Variants in PPARGC1A observed in about 807,000 individuals in gnomAD.
PPARGC1A encodes the protein PPARG coactivator 1 alpha.
Under a neutral mutation model 88.7 loss-of-function variants are expected in PPARGC1A, and 25 were observed. That is an observed-to-expected ratio of 0.28 (90% CI 0.21 to 0.39). PPARGC1A has a LOEUF of 0.39. PPARGC1A is among the 10% of genes least tolerant of loss of function. The pLI, the probability that PPARGC1A is intolerant of heterozygous loss-of-function variation, is 1.00. For missense variants in PPARGC1A, 880 were observed against 968.7 expected (o/e 0.91, Z 1.22); for synonymous variants, 363 against 355.6 (o/e 1.02, Z -0.24).
the PPARGC1A span, among the ~76,000 whole-genome samples, chr4:24,433,998 T>A: frequency 2.6e-5 from 4 of 152,224 alleles, no homozygotes; most frequent in African/African-American, 7.2e-5. Context: ...GGACAACCTG[T>A]TGATTGCTAT....
At chr4:24,050,407 A>T in the PPARGC1A span, among the ~76,000 whole-genome samples, 1 of 151,894 alleles carries the variant, frequency 6.6e-6, no homozygotes, top group African/African-American at 2.4e-5. Context: ...CATGTTGGTC[A>T]GGGTGGTCTC....
intron 7 of PPARGC1A, 38 bp downstream of exon 7, chr4:23,824,242 C>G (rs1169459312): frequency 2.6e-6 from 4 of 1,538,906 alleles, no homozygotes; most frequent in Admixed American, 3.3e-5. Context: ...CATATACAGA[C>G]AGACACACAC....
At chr4:24,471,041 C>T in the PPARGC1A span, among the ~76,000 whole-genome samples, 1 of 151,430 alleles carries the variant, frequency 6.6e-6, no homozygotes, top group African/African-American at 2.4e-5. The surrounding 1 kb of genome is among the most constrained non-coding windows in gnomAD (Gnocchi z 5.4). Flanking sequence ...CCAGCGCCGG[C>T]GAGCGCGGCG....
chr4:24,263,618 C>T, the PPARGC1A span, among the ~76,000 whole-genome samples: 15 of 152,232 alleles, frequency 9.9e-5, no homozygotes, highest in African/African-American at 2.6e-4. Flanking sequence ...CCACTTCTGC[C>T]GTACCTGAGA....
At chr4:24,060,698 T>A in the PPARGC1A span, among the ~76,000 whole-genome samples, 1 of 152,226 alleles carries the variant, frequency 6.6e-6, no homozygotes, top group Non-Finnish European at 1.5e-5. Flanking sequence ...CCCTGGCCAC[T>A]TGGACATTTC....
At chr4:24,073,860 T>C in the PPARGC1A span, among the ~76,000 whole-genome samples, 1 of 152,092 alleles carries the variant, frequency 6.6e-6, no homozygotes, top group Non-Finnish European at 1.5e-5. Context: ...TAACCAGCTG[T>C]GTGTCTCAGT....
chr4:24,010,821 A>T, the PPARGC1A span, among the ~76,000 whole-genome samples: 2 of 152,272 alleles, frequency 1.3e-5, no homozygotes, highest in South Asian at 4.2e-4. Flanking sequence ...GAGGAACAGA[A>T]ATGCTGTAAA....
At chr4:23,971,493 T>C in the PPARGC1A span, among the ~76,000 whole-genome samples, 5 of 152,162 alleles carry the variant, frequency 3.3e-5, no homozygotes, top group African/African-American at 1.2e-4. Context: ...CAATAGGCCG[T>C]CTGCAGGCTG....
At chr4:24,009,878 C>A in the PPARGC1A span, among the ~76,000 whole-genome samples, 1 of 152,158 alleles carries the variant, frequency 6.6e-6, no homozygotes. Context: ...TTTACACAGA[C>A]CCACCCACAC....
chr4:23,835,028 C>G (rs1446399662), intron 2 of PPARGC1A, among the ~76,000 whole-genome samples: 1 of 152,042 alleles, frequency 6.6e-6, no homozygotes, highest in Non-Finnish European at 1.5e-5. Context: ...TCCAAGTATT[C>G]CGTTTTTCAA....
the PPARGC1A span, among the ~76,000 whole-genome samples, chr4:23,971,379 C>T: frequency 6.6e-6 from 1 of 152,116 alleles, no homozygotes; most frequent in Non-Finnish European, 1.5e-5. Context: ...GGAAAACCAC[C>T]TGTATTAGTC....
the PPARGC1A span, among the ~76,000 whole-genome samples, chr4:23,964,612 C>T: frequency 1.3e-5 from 2 of 152,064 alleles, no homozygotes; most frequent in South Asian, 2.1e-4. Context: ...AGAAGTTAAG[C>T]CCGGTGTTAT....
At chr4:24,403,867 C>T in the PPARGC1A span, among the ~76,000 whole-genome samples, 1 of 152,264 alleles carries the variant, frequency 6.6e-6, no homozygotes, top group East Asian at 1.9e-4. Flanking sequence ...TAAGAAGAAT[C>T]TAGACACAGC....
the PPARGC1A span, among the ~76,000 whole-genome samples, chr4:24,005,866 G>A: frequency 2.6e-5 from 4 of 152,048 alleles, no homozygotes; most frequent in African/African-American, 7.2e-5. Flanking sequence ...ATACAGGGTC[G>A]GGGGCTCAGA....
At chr4:24,439,525 C>T in the PPARGC1A span, among the ~76,000 whole-genome samples, 1 of 152,106 alleles carries the variant, frequency 6.6e-6, no homozygotes, top group African/African-American at 2.4e-5. Context: ...AAGGAGTACC[C>T]ACTGACTATT....
At chr4:24,103,385 T>C in the PPARGC1A span, among the ~76,000 whole-genome samples, 3 of 151,864 alleles carry the variant, frequency 2.0e-5, no homozygotes, top group South Asian at 2.1e-4. Context: ...GCTGATAATA[T>C]AGAGATCCAC....
chr4:24,360,764 T>C, the PPARGC1A span, among the ~76,000 whole-genome samples: 1 of 152,226 alleles, frequency 6.6e-6, no homozygotes, highest in Non-Finnish European at 1.5e-5. Context: ...GAATAGCATC[T>C]AACCCATAGG....
At chr4:24,323,900 C>T in the PPARGC1A span, among the ~76,000 whole-genome samples, 1 of 152,212 alleles carries the variant, frequency 6.6e-6, no homozygotes, top group Non-Finnish European at 1.5e-5. Flanking sequence ...TCCAGCTTCC[C>T]TCACTATCCC....
chr4:24,433,304 A>G, the PPARGC1A span, among the ~76,000 whole-genome samples: 2 of 151,942 alleles, frequency 1.3e-5, no homozygotes, highest in Non-Finnish European at 2.9e-5. Flanking sequence ...CTGCTATTGG[A>G]TGACTTCATT....
Sources: gnomAD v4.1 joint callset for allele counts (sites outside exome capture counted in the v4.1 genomes callset) on GRCh38, gnomAD v4.1.1 for gene constraint, Gnocchi (gnomAD v3.1) non-coding constraint, MANE v1.5 for transcripts, NCBI Gene and HGNC (gene_info 2026-07-23, HGNC 2026-07-21) for gene names.